Variants in PDE4D observed in about 807,000 individuals in gnomAD.
The protein encoded by PDE4D is 3',5'-cyclic-AMP phosphodiesterase 4D.
Under a neutral mutation model 87.4 loss-of-function variants are expected in PDE4D, and 24 were observed. The ratio of observed to expected loss-of-function variants is 0.27; its 90% CI spans 0.20 to 0.39. PDE4D has a LOEUF of 0.39. Ranked by LOEUF, PDE4D falls within the 10% of genes least tolerant of loss-of-function variation. The pLI, the probability that PDE4D is intolerant of heterozygous loss-of-function variation, is 1.00. For missense variants in PDE4D, 714 were observed against 1,041.0 expected (o/e 0.69, Z 4.32); for synonymous variants, 384 against 383.2 (o/e 1.00, Z -0.02).
chr5:59,067,920 A>C (rs1334965984), intron 5 of PDE4D, among the ~76,000 whole-genome samples: 1 of 152,188 alleles, frequency 6.6e-6, no homozygotes, highest in East Asian at 1.9e-4. Context: ...TAAGTAGGTA[A>C]AATATTGCAT....
intron 1 of PDE4D, among the ~76,000 whole-genome samples, chr5:59,624,804 T>C (rs924348736): frequency 3.3e-5 from 5 of 152,236 alleles, no homozygotes; most frequent in Non-Finnish European, 7.3e-5. Context: ...CTGATTGCTA[T>C]AATTGAGTTC....
intron 5 of PDE4D, among the ~76,000 whole-genome samples, chr5:59,105,821 C>A (rs1268695599): frequency 6.6e-6 from 1 of 151,982 alleles, no homozygotes; most frequent in Non-Finnish European, 1.5e-5. Flanking sequence ...GACTCAGTAG[C>A]GAGTGGGTCA....
At chr5:59,362,092 C>A (rs1272821534) in intron 1 of PDE4D, among the ~76,000 whole-genome samples, 3 of 152,080 alleles carry the variant, frequency 2.0e-5, no homozygotes, top group Non-Finnish European at 4.4e-5. Context: ...GTGTCTTACC[C>A]ATTTGGTTCT....
chr5:59,557,890 C>T (rs900689630), intron 1 of PDE4D, among the ~76,000 whole-genome samples: 9 of 152,024 alleles, frequency 5.9e-5, no homozygotes, highest in Non-Finnish European at 1.2e-4. Flanking sequence ...GGAAAAAGAC[C>T]AGCAGTACCT....
intron 2 of PDE4D, among the ~76,000 whole-genome samples, chr5:60,126,934 T>C: frequency 6.6e-6 from 1 of 152,232 alleles, no homozygotes; most frequent in East Asian, 1.9e-4. Context: ...TTTACTCATA[T>C]CTGATAAGTA....
chr5:58,995,727 T>C (rs10051023), intron 6 of PDE4D, among the ~76,000 whole-genome samples: 15,354 of 152,184 alleles, frequency 0.1, 1,037 homozygotes, highest in Non-Finnish European at 0.13. Context: ...GTTATAACCA[T>C]AAAAATAGTT....
chr5:59,408,308 G>C (rs1236309262), intron 1 of PDE4D, among the ~76,000 whole-genome samples: 1 of 152,210 alleles, frequency 6.6e-6, no homozygotes, highest in Non-Finnish European at 1.5e-5. Context: ...TAAGCTGTAA[G>C]CCTTTGTGGC....
intron 1 of PDE4D, among the ~76,000 whole-genome samples, chr5:59,359,716 A>T (rs2153592009): frequency 6.6e-6 from 1 of 152,350 alleles, no homozygotes; most frequent in South Asian, 2.1e-4. Context: ...ATAAAAGAAC[A>T]AAGAAGACAT....
chr5:59,015,698 T>C (rs1481778738), intron 6 of PDE4D, among the ~76,000 whole-genome samples: 1 of 152,172 alleles, frequency 6.6e-6, no homozygotes, highest in Admixed American at 6.5e-5. Flanking sequence ...AGTTCAACCA[T>C]TGTGGAAGAC....
At chr5:60,290,289 A>G (rs10939840) in intron 1 of PDE4D, among the ~76,000 whole-genome samples, 10,618 of 152,278 alleles carry the variant, frequency 0.07, 413 homozygotes, top group Non-Finnish European at 0.083. Flanking sequence ...GAAGTAAATG[A>G]TTATAAATCA....
intron 5 of PDE4D, among the ~76,000 whole-genome samples, chr5:59,059,386 G>A (rs1762806496): frequency 6.6e-6 from 1 of 152,152 alleles, no homozygotes; most frequent in Admixed American, 6.6e-5. Context: ...CCTATTTGTA[G>A]CTATCAAATT....
At chr5:60,263,117 C>A (rs933616180) in intron 1 of PDE4D, among the ~76,000 whole-genome samples, 5 of 152,104 alleles carry the variant, frequency 3.3e-5, no homozygotes, top group African/African-American at 4.8e-5. Context: ...TGCTAACGCC[C>A]ACCTGTGCTG....
At chr5:59,488,676 CT>C (rs11412476) in intron 1 of PDE4D, among the ~76,000 whole-genome samples, 119 of 144,754 alleles carry the variant, frequency 8.2e-4, no homozygotes, top group Middle Eastern at 7.0e-3. Flanking sequence ...AGATAATCTT[CT>C]TTTTTTTTTT....
intron 1 of PDE4D, among the ~76,000 whole-genome samples, chr5:60,392,030 A>T (rs774448025): frequency 2.0e-5 from 3 of 152,082 alleles, no homozygotes; most frequent in Non-Finnish European, 4.4e-5. Flanking sequence ...AATTACTGAG[A>T]CTCCATATTT....
chr5:59,070,174 A>T (rs949842701), intron 5 of PDE4D, among the ~76,000 whole-genome samples: 2 of 152,216 alleles, frequency 1.3e-5, no homozygotes, highest in African/African-American at 4.8e-5. Flanking sequence ...AATATGTCCA[A>T]AAATAAAACT....
intron 1 of PDE4D, among the ~76,000 whole-genome samples, chr5:59,343,332 C>T (rs1582067295): frequency 6.6e-6 from 1 of 152,138 alleles, no homozygotes; most frequent in East Asian, 1.9e-4. Flanking sequence ...CCTCCTGTTC[C>T]CATCACCCCC....
chr5:60,046,425 A>G (rs1228399650), intron 2 of PDE4D, among the ~76,000 whole-genome samples: 2 of 152,282 alleles, frequency 1.3e-5, no homozygotes, highest in Non-Finnish European at 2.9e-5. Context: ...GGGTGAGAGA[A>G]GGCATCCCTG....
At chr5:59,872,949 G>C (rs144835305) in intron 1 of PDE4D, among the ~76,000 whole-genome samples, 27 of 152,152 alleles carry the variant, frequency 1.8e-4, no homozygotes, top group African/African-American at 6.3e-4. Flanking sequence ...GAAACAATTA[G>C]AGACTGCATG....
At chr5:59,303,439 G>C (rs1770661764) in intron 1 of PDE4D, among the ~76,000 whole-genome samples, 1 of 152,056 alleles carries the variant, frequency 6.6e-6, no homozygotes, top group South Asian at 2.1e-4. Context: ...ATTTGCTTTT[G>C]GGTTCTTGGT....
Sources: allele counts gnomAD v4.1 joint callset (sites outside exome capture counted in the v4.1 genomes callset), GRCh38; gene constraint gnomAD v4.1.1; transcripts MANE v1.5; gene names NCBI Gene and HGNC (gene_info 2026-07-23, HGNC 2026-07-21).